NRXN3: variants seen among roughly 807,000 people sequenced by gnomAD.
NRXN3 encodes the protein neurexin III.
In NRXN3, 32 loss-of-function variants were observed where a neutral mutation model predicts 137.6. That is an observed-to-expected ratio of 0.23 (90% CI 0.18 to 0.31). The LOEUF is 0.31. Among genes scored for constraint, NRXN3 ranks in the 10% least tolerant of loss-of-function variants. The pLI is 1.00. For synonymous variants in NRXN3, 798 were observed against 784.5 expected (o/e 1.02, Z -0.29); for missense variants, 1,574 against 2,062.5 (o/e 0.76, Z 4.59).
intron 1 of NRXN3, among the ~76,000 whole-genome samples, chr14:78,221,389 C>T (rs994384314): frequency 1.2e-4 from 19 of 152,028 alleles, no homozygotes; most frequent in African/African-American, 4.3e-4. Flanking sequence ...AAAAAGGGTA[C>T]AGGTTACTGG....
At chr14:79,385,547 T>A (rs1028858626) in intron 15 of NRXN3, among the ~76,000 whole-genome samples, 2 of 152,274 alleles carry the variant, frequency 1.3e-5, no homozygotes, top group East Asian at 3.9e-4. Flanking sequence ...CCACTAAATC[T>A]CAAGTTAAAT....
intron 15 of NRXN3, among the ~76,000 whole-genome samples, chr14:79,457,383 T>C (rs2096272098): frequency 1.3e-5 from 2 of 152,196 alleles, no homozygotes; most frequent in Admixed American, 6.5e-5. Flanking sequence ...ATAGAGTGCC[T>C]GTTAGTTATT....
chr14:79,016,062 C>T (rs1594938884), intron 15 of NRXN3, among the ~76,000 whole-genome samples: 2 of 152,162 alleles, frequency 1.3e-5, no homozygotes, highest in East Asian at 1.9e-4. Flanking sequence ...TCACCTTGTC[C>T]ATGGCCCCTT....
intron 8 of NRXN3, among the ~76,000 whole-genome samples, chr14:78,794,396 C>G (rs2153059646): frequency 6.6e-6 from 1 of 152,162 alleles, no homozygotes; most frequent in South Asian, 2.1e-4. Context: ...TTTCAAAAAA[C>G]AAAAAACAGA....
chr14:79,610,030 T>C (rs1013417843), intron 16 of NRXN3, among the ~76,000 whole-genome samples: 1 of 152,128 alleles, frequency 6.6e-6, no homozygotes, highest in Admixed American at 6.5e-5. Context: ...CAAACCACCA[T>C]GGTACTTGTA....
chr14:79,773,234 T>C (rs890721510), intron 19 of NRXN3, among the ~76,000 whole-genome samples: 3 of 152,194 alleles, frequency 2.0e-5, no homozygotes, highest in East Asian at 1.9e-4. Flanking sequence ...TCCTCAGGGA[T>C]CAAGAACTAG....
At chr14:79,147,645 A>C (rs143819082) in intron 15 of NRXN3, among the ~76,000 whole-genome samples, 238 of 152,186 alleles carry the variant, frequency 1.6e-3, no homozygotes, top group African/African-American at 5.6e-3. Flanking sequence ...CTTTGTCCAG[A>C]AGCCTTCACA....
At chr14:78,518,511 T>C (rs1002330376) in intron 4 of NRXN3, among the ~76,000 whole-genome samples, 1 of 152,092 alleles carries the variant, frequency 6.6e-6, no homozygotes, top group South Asian at 2.1e-4. Context: ...AAAGGTAGCT[T>C]GAGAACCAAT....
intron 15 of NRXN3, among the ~76,000 whole-genome samples, chr14:79,118,525 C>T (rs2054855586): frequency 6.6e-6 from 1 of 152,208 alleles, no homozygotes; most frequent in Non-Finnish European, 1.5e-5. Context: ...AACTTTCAGA[C>T]AGTGGCCATT....
intron 15 of NRXN3, among the ~76,000 whole-genome samples, chr14:79,328,352 A>G (rs185827724): frequency 3.0e-4 from 46 of 152,278 alleles, no homozygotes; most frequent in Admixed American, 2.6e-3. Context: ...GTATGTTGTT[A>G]TAGGCAGAAA....
chr14:79,695,090 C>T (rs866140718), intron 18 of NRXN3, among the ~76,000 whole-genome samples: 7 of 151,920 alleles, frequency 4.6e-5, no homozygotes, highest in African/African-American at 2.4e-5. Flanking sequence ...AGGAAACCTG[C>T]CTTGCCTTTC....
chr14:78,775,575 C>T (rs892559676), intron 8 of NRXN3, among the ~76,000 whole-genome samples: 2 of 152,172 alleles, frequency 1.3e-5, no homozygotes, highest in Non-Finnish European at 2.9e-5. Context: ...AGATTGGACA[C>T]CCCTGGAATT....
intron 1 of NRXN3, among the ~76,000 whole-genome samples, chr14:78,226,224 C>T (rs968632860): frequency 2.0e-5 from 3 of 152,062 alleles, no homozygotes; most frequent in South Asian, 2.1e-4. Context: ...AGGATGATCT[C>T]GATCTTCTGA....
At chr14:78,679,121 A>G (rs2098044331) in intron 6 of NRXN3, among the ~76,000 whole-genome samples, 1 of 152,200 alleles carries the variant, frequency 6.6e-6, no homozygotes, top group Non-Finnish European at 1.5e-5. Flanking sequence ...ATTGTTATAA[A>G]TGATTGTTTT....
intron 15 of NRXN3, among the ~76,000 whole-genome samples, chr14:79,319,093 G>T (rs569259329): frequency 1.3e-5 from 2 of 152,204 alleles, no homozygotes; most frequent in South Asian, 4.1e-4. Flanking sequence ...ATGTTTTCTT[G>T]TTTTCCATCT....
intron 1 of NRXN3, among the ~76,000 whole-genome samples, chr14:78,220,557 A>G (rs2063743520): frequency 6.6e-6 from 1 of 152,058 alleles, no homozygotes; most frequent in Non-Finnish European, 1.5e-5. Flanking sequence ...AGAGATGGAG[A>G]TGATGAGTTT....
At chr14:79,844,450 A>G (rs561649188) in intron 20 of NRXN3, among the ~76,000 whole-genome samples, 1 of 152,024 alleles carries the variant, frequency 6.6e-6, no homozygotes, top group Non-Finnish European at 1.5e-5. Flanking sequence ...GTGTTTCTTA[A>G]GTAAGATGTT....
intron 15 of NRXN3, among the ~76,000 whole-genome samples, chr14:79,428,375 T>G (rs1389054290): frequency 1.3e-5 from 2 of 152,066 alleles, no homozygotes; most frequent in Non-Finnish European, 2.9e-5. Context: ...TATTTGTCTT[T>G]AAGAGACAGA....
chr14:78,728,022 A>G (rs1204022035), intron 8 of NRXN3, among the ~76,000 whole-genome samples: 1 of 152,214 alleles, frequency 6.6e-6, no homozygotes, highest in Non-Finnish European at 1.5e-5. Context: ...ATTCAAAGTG[A>G]TTATATAACT....
Sources: allele counts gnomAD v4.1 joint callset (sites outside exome capture counted in the v4.1 genomes callset), GRCh38; gene constraint gnomAD v4.1.1; transcripts MANE v1.5; gene names NCBI Gene and HGNC (gene_info 2026-07-23, HGNC 2026-07-21).